Variants in SCHIP1 observed in about 807,000 individuals in gnomAD.
SCHIP1 encodes the protein schwannomin interacting protein 1.
SCHIP1 carries 8 observed loss-of-function variants against 29.7 expected under a neutral mutation model. The observed-to-expected ratio is 0.27, with a 90% CI of 0.16 to 0.49. The LOEUF (loss-of-function observed/expected upper bound fraction) is 0.49. Ranked by LOEUF, SCHIP1 falls within the 20% of genes least tolerant of loss-of-function variation. The probability of loss-of-function intolerance (pLI) is 0.99; values close to 1 mark genes in which losing one functional copy is unlikely to be tolerated. For missense variants in SCHIP1, 193 were observed against 294.6 expected (o/e 0.66, Z 2.52); for synonymous variants, 76 against 94.9 (o/e 0.80, Z 1.16).
At chr3:159,633,799 T>C in the SCHIP1 span, among the ~76,000 whole-genome samples, 1 of 151,332 alleles carries the variant, frequency 6.6e-6, no homozygotes, top group Non-Finnish European at 1.5e-5. Context: ...AAAAAAAGAG[T>C]TTCCACTAAA....
chr3:159,427,601 T>C, the SCHIP1 span, among the ~76,000 whole-genome samples: 1 of 151,922 alleles, frequency 6.6e-6, no homozygotes, highest in Middle Eastern at 3.4e-3. Context: ...ATCAATATCG[T>C]GAAAATGGCC....
the SCHIP1 span, among the ~76,000 whole-genome samples, chr3:159,388,330 A>G: frequency 2.0e-5 from 3 of 152,152 alleles, no homozygotes; most frequent in African/African-American, 7.2e-5. Context: ...TTTACTAACA[A>G]TAAGCCAGAA....
At chr3:159,626,526 G>T in the SCHIP1 span, among the ~76,000 whole-genome samples, 2 of 151,902 alleles carry the variant, frequency 1.3e-5, no homozygotes, top group African/African-American at 4.8e-5. Context: ...GGTCCAACAA[G>T]GGTCGTCTGG....
chr3:159,383,760 T>C, the SCHIP1 span, among the ~76,000 whole-genome samples: 48 of 145,790 alleles, frequency 3.3e-4, no homozygotes, highest in Admixed American at 3.5e-4. Flanking sequence ...TTCTTCCATT[T>C]GTTTGTATCC....
At chr3:159,288,770 A>G in the SCHIP1 span, among the ~76,000 whole-genome samples, 2 of 152,230 alleles carry the variant, frequency 1.3e-5, no homozygotes, top group South Asian at 4.1e-4. Context: ...CATTGAGAAC[A>G]CATGCTTCAG....
chr3:159,620,682 G>T, the SCHIP1 span, among the ~76,000 whole-genome samples: 2 of 152,224 alleles, frequency 1.3e-5, no homozygotes, highest in African/African-American at 4.8e-5. Flanking sequence ...GTCCCACTCA[G>T]TTCTGTCCTC....
the SCHIP1 span, among the ~76,000 whole-genome samples, chr3:159,759,444 T>G: frequency 6.6e-6 from 1 of 152,268 alleles, no homozygotes; most frequent in African/African-American, 2.4e-5. Context: ...TATTTCTCAT[T>G]GTTTCTAGAA....
the SCHIP1 span, among the ~76,000 whole-genome samples, chr3:159,429,751 C>T: frequency 4.2e-3 from 637 of 152,250 alleles, 4 homozygotes; most frequent in Non-Finnish European, 6.9e-3. Flanking sequence ...AAAATAAATA[C>T]TTCACTGCCT....
At chr3:159,463,194 A>C in the SCHIP1 span, among the ~76,000 whole-genome samples, 2 of 151,922 alleles carry the variant, frequency 1.3e-5, no homozygotes, top group Non-Finnish European at 2.9e-5. Flanking sequence ...CATGGGGAAA[A>C]GTCTATAGAA....
At chr3:159,835,644 G>T (rs1356381002), upstream of SCHIP1, among the ~76,000 whole-genome samples, 1 of 152,118 alleles carries the variant, frequency 6.6e-6, no homozygotes, top group African/African-American at 2.4e-5. Context: ...TAAATTTTAT[G>T]TACAAAGAAA....
chr3:159,443,578 G>A, the SCHIP1 span, among the ~76,000 whole-genome samples: 2 of 152,038 alleles, frequency 1.3e-5, no homozygotes, highest in East Asian at 3.9e-4. Context: ...GTGCCATCTC[G>A]GCTTACTGCA....
the SCHIP1 span, among the ~76,000 whole-genome samples, chr3:159,334,346 G>A: frequency 6.6e-6 from 1 of 152,142 alleles, no homozygotes; most frequent in Non-Finnish European, 1.5e-5. Flanking sequence ...TATTTGGTTT[G>A]ATATGCACAT....
chr3:159,663,998 C>T, the SCHIP1 span, among the ~76,000 whole-genome samples: 1 of 152,100 alleles, frequency 6.6e-6, no homozygotes, highest in African/African-American at 2.4e-5. Context: ...AAAATAAAAA[C>T]AAAGTTTAAA....
chr3:159,556,418 G>T, the SCHIP1 span, among the ~76,000 whole-genome samples: 1 of 152,004 alleles, frequency 6.6e-6, no homozygotes, highest in Non-Finnish European at 1.5e-5. Context: ...CCATTACTGG[G>T]TATATACCCA....
rs996104289 is a variant in SCHIP1, at chr3:159,846,911, T to C, written c.30+6697T>C. ...TTAGCTCAGATGTCTGAAAATCTAA[T>C]TTATATGCTTTACCACAAAAGGAGC... On this transcript the variant is annotated intron_variant, in intron 1 of 6. Transcript: ENST00000445224. Among the ~76,000 whole-genome samples, 12 of 152,242 alleles carry C rather than the reference T, an allele frequency of 7.9e-5. No homozygotes were observed. In the East Asian group the frequency reaches 9.6e-4, roughly 12 times the overall value.
At chr3:159,390,511 G>A in the SCHIP1 span, among the ~76,000 whole-genome samples, 2 of 152,044 alleles carry the variant, frequency 1.3e-5, no homozygotes, top group Non-Finnish European at 2.9e-5. Flanking sequence ...TGCTAAAAGA[G>A]AAGGGGATTA....
chr3:159,298,597 C>T, the SCHIP1 span, among the ~76,000 whole-genome samples: 3 of 152,212 alleles, frequency 2.0e-5, no homozygotes, highest in Non-Finnish European at 2.9e-5. Flanking sequence ...ATATAATACA[C>T]GGACACTCTT....
the SCHIP1 span, among the ~76,000 whole-genome samples, chr3:159,424,554 TCTA>T: frequency 6.6e-6 from 1 of 152,100 alleles, no homozygotes; most frequent in East Asian, 1.9e-4. Context: ...AAAGACCAAA[TCTA>T]CATCTAACTG....
the SCHIP1 span, among the ~76,000 whole-genome samples, chr3:159,452,836 CTTT>C: frequency 3.7e-3 from 558 of 151,996 alleles, 3 homozygotes; most frequent in African/African-American, 0.013. Flanking sequence ...GAAAACATTT[CTTT>C]TATAACAGAT....
Sources: gnomAD v4.1 joint callset for allele counts (sites outside exome capture counted in the v4.1 genomes callset) on GRCh38, gnomAD v4.1.1 for gene constraint, MANE v1.5 for transcripts, NCBI Gene and HGNC (gene_info 2026-07-23, HGNC 2026-07-21) for gene names.